FNDC7: variants seen among roughly 807,000 people sequenced by gnomAD.
FNDC7 encodes fibronectin type III domain containing 7.
A neutral mutation model predicts 74.2 loss-of-function variants in FNDC7; 66 were observed. The observed-to-expected ratio is 0.89, with a 90% CI of 0.73 to 1.09. The LOEUF (loss-of-function observed/expected upper bound fraction) is 1.09, where lower values mean the gene tolerates loss of function less well. Ranked by LOEUF, FNDC7 falls within the 50% of genes least tolerant of loss-of-function variation. FNDC7 has a pLI of 0.00. For missense variants in FNDC7, 829 were observed against 893.4 expected, an observed-to-expected ratio of 0.93 and a Z score of 0.92; for synonymous variants, 307 against 330.2, an observed-to-expected ratio of 0.93 and a Z score of 0.76.
intron 2 of FNDC7, 49 bp from the exon 3 acceptor site, chr1:108,717,728 C>T: frequency 6.5e-7 from 1 of 1,527,272 alleles, no homozygotes; most frequent in Non-Finnish European, 8.9e-7. Flanking sequence ...TGAAAGAAGT[C>T]ATCCTCGTAG....
At chr1:108,727,528 A>C (rs945212480) in intron 6 of FNDC7, among the ~76,000 whole-genome samples, 1 of 152,124 alleles carries the variant, frequency 6.6e-6, no homozygotes, top group East Asian at 1.9e-4. Context: ...ACAAGGGCGC[A>C]CGTGGCGTGG....
At chr1:108,721,999 T>C (rs1661102562) in intron 4 of FNDC7, among the ~76,000 whole-genome samples, 1 of 152,230 alleles carries the variant, frequency 6.6e-6, no homozygotes, top group Non-Finnish European at 1.5e-5. Context: ...TAACTACTTA[T>C]TAAATAATGC....
At position 108,717,888 on chromosome 1, in the gene FNDC7, G is replaced by C; in HGVS notation, c.194G>C (p.Gly65Ala). ...AGTTACCTCCTCACGGCTGAAGACG[G>C]GGACACAGTCATTGAAACCACGGTG... The part of the protein sequence containing the change: ...ATSYLLTAED[G>A]DTVIETTVAN... Residue 65 changes from glycine (G) to alanine (A), a missense_variant, in exon 3 of 13, where the codon GGG becomes GCG. By Grantham distance (60) the Gly-to-Ala change is moderately conservative. Coordinates refer to ENST00000370017, the MANE Select transcript of FNDC7 (RefSeq NM_001144937.3). The C allele has an allele frequency of 1.9e-6, 3 of 1,551,690 alleles. No individual in the cohort carries two copies. The highest frequency in any genetic ancestry group is 2.6e-6 in the Non-Finnish European group (3 of 1,146,988).
intron 6 of FNDC7, among the ~76,000 whole-genome samples, chr1:108,727,080 C>T (rs1025044522): frequency 6.6e-6 from 1 of 152,174 alleles, no homozygotes; most frequent in African/African-American, 2.4e-5. Context: ...AATCCCAACA[C>T]TTTGGGAAGC....
At chr1:108,735,388 A>G (rs368901996) in intron 10 of FNDC7, among the ~76,000 whole-genome samples, 171 of 152,286 alleles carry the variant, frequency 1.1e-3, no homozygotes, top group African/African-American at 3.9e-3. Context: ...TTATGCTGCC[A>G]CATCTTCAAA....
In FNDC7 at chr1:108,741,854, A is replaced by G; in HGVS notation, c.*37+13A>G. On this transcript the variant is annotated intron_variant, in intron 12 of 12. Coordinates refer to ENST00000370017, the MANE Select transcript of FNDC7 (RefSeq NM_001144937.3). ...AAAACTTGACCAAGTGAGTAACGTA[A>G]ATTGATTTTGTGTGATTTTATGGCA... The G allele has an allele frequency of 6.3e-7, 1 of 1,590,820 alleles. No homozygotes were observed. Among genetic ancestry groups the G allele is most frequent in the Non-Finnish European group, 8.6e-7 (1 of 1,163,302 alleles).
intron 6 of FNDC7, among the ~76,000 whole-genome samples, chr1:108,727,527 C>T (rs1661245047): frequency 6.6e-6 from 1 of 152,038 alleles, no homozygotes; most frequent in South Asian, 2.1e-4. Context: ...AACAAGGGCG[C>T]ACGTGGCGTG....
In FNDC7 at chr1:108,736,963, C is replaced by CTTTTTT. The variant is rs1173562405; in HGVS notation, c.2141-515_2141-510dup. Reference sequence around the variant, plus strand: ...ACAACAAACCTATCAGCTTGGCATTCTTTTTTTTTTTTTTTTTTTTTTGAG... The same window carrying CTTTTTT: ...ACAACAAACCTATCAGCTTGGCATTCTTTTTTTTTTTTTTTTTTTTTTTTTTTTGAG... On this transcript the variant is annotated intron_variant, in intron 10 of 12. Transcript: ENST00000370017. 8.3e-3 allele frequency among the ~76,000 whole-genome samples: 827 copies of CTTTTTT among 99,374 alleles called. 14 individuals are homozygous for CTTTTTT. Among genetic ancestry groups the CTTTTTT allele is most frequent in the Non-Finnish European group, 0.011 (598 of 52,472 alleles). The allele number at this position is 99,374 out of a possible 152,430, so 65.2% of individuals were successfully genotyped here. A position where few individuals can be genotyped will look rare whatever the true frequency, so the allele number is the denominator to read the frequency against.
In FNDC7 at chr1:108,730,775, C is replaced by T. The variant is rs1393820962; in HGVS notation, c.1726C>T (p.Leu576=). 6.2e-7 allele frequency: 1 copy of T among 1,614,044 alleles called. No homozygotes were observed. The highest frequency in any genetic ancestry group is 1.1e-5 in the South Asian group (1 of 91,062). The change falls in exon 9 of 13, where the codon CTG becomes TTG. Residue 576 remains leucine, a synonymous_variant. Coordinates refer to ENST00000370017, the MANE Select transcript of FNDC7 (RefSeq NM_001144937.3). ...AGTGGCTCAAACCCATGTTGCAGTT[C>T]TGGAGTCACACACTGGACAGTCTAA... is the stretch of plus-strand genomic sequence containing the variant. ...GRVAQTHVAV[L]ESHTGQSKCH...
intron 3 of FNDC7, among the ~76,000 whole-genome samples, chr1:108,718,426 T>C (rs1446569161): frequency 1.3e-5 from 2 of 152,212 alleles, no homozygotes; most frequent in Non-Finnish European, 2.9e-5. Context: ...ATTACTGAAA[T>C]TGATTTGATA....
rs771190246 is a variant in FNDC7, at chr1:108,725,879, A to G, written c.986A>G (p.His329Arg). ...AAGAGTGATGATGGCTTGGAAGTAC[A>G]CTGCAACACATCTCTCACTCAGTGC... ...FVKSDDGLEV[H>R]CNTSLTQCNF... Residue 329 changes from histidine to arginine, a missense_variant, in exon 6 of 13, where the codon CAC becomes CGC. His to Arg is a conservative substitution (Grantham distance 29). Transcript: ENST00000370017. 5 of 1,613,940 alleles carry G rather than the reference A, an allele frequency of 3.1e-6. No homozygotes were observed. Among genetic ancestry groups the G allele is most frequent in the East Asian group, 2.2e-5 (1 of 44,884 alleles).
chr1:108,736,753 C>T (rs1478549400), intron 10 of FNDC7, among the ~76,000 whole-genome samples: 1 of 152,274 alleles, frequency 6.6e-6, no homozygotes, highest in East Asian at 1.9e-4. Flanking sequence ...TCCTCCTTTG[C>T]TCAGTGTCCC....
At chr1:108,716,326 T>G (rs1243232855) in intron 2 of FNDC7, among the ~76,000 whole-genome samples, 5 of 64,430 alleles carry the variant, frequency 7.8e-5, no homozygotes, top group South Asian at 1.0e-3. Context: ...GAGAGGTGTG[T>G]GTGTGTGTGT....
intron 2 of FNDC7, among the ~76,000 whole-genome samples, chr1:108,716,583 A>G (rs1427695777): frequency 1.3e-5 from 2 of 152,158 alleles, no homozygotes; most frequent in Non-Finnish European, 2.9e-5. Context: ...GCCAGGGCAC[A>G]GAGGAGACTT....
intron 9 of FNDC7, among the ~76,000 whole-genome samples, 196 bp downstream of exon 9, chr1:108,731,124 G>A (rs1197454146): frequency 6.6e-6 from 1 of 152,152 alleles, no homozygotes; most frequent in Non-Finnish European, 1.5e-5. Context: ...TTGGTAGTTG[G>A]TGAATTAACT....
intron 11 of FNDC7, among the ~76,000 whole-genome samples, chr1:108,738,964 C>G (rs935861098): frequency 5.9e-5 from 9 of 152,094 alleles, no homozygotes; most frequent in African/African-American, 1.9e-4. Context: ...GTGAAAGGTA[C>G]ATGGACCTAG....
rs2101074512 is a variant in FNDC7, at chr1:108,713,499, T to C, written c.64-12T>C. Reference sequence around the variant, plus strand: ...TCTGTGTGGTTCTAATTTTCCAAACTTTCCTTTTCAGGTTGCTTCAGCAAA... The same window carrying C: ...TCTGTGTGGTTCTAATTTTCCAAACCTTCCTTTTCAGGTTGCTTCAGCAAA... On this transcript the variant is annotated splice_polypyrimidine_tract_variant and intron_variant, in intron 1 of 12. Transcript: ENST00000370017. 1.3e-6 allele frequency: 2 copies of C among 1,549,940 alleles called. No homozygotes were observed. The highest frequency in any genetic ancestry group is 2.4e-5 in the East Asian group (1 of 40,886).
intron 1 of FNDC7, 94 bp from the exon 2 acceptor site, chr1:108,713,417 T>C: frequency 9.6e-7 from 1 of 1,045,332 alleles, no homozygotes; most frequent in Non-Finnish European, 1.4e-6. Flanking sequence ...GTAAAAATGT[T>C]GTGATTAATT....
intron 6 of FNDC7, among the ~76,000 whole-genome samples, chr1:108,726,564 C>A (rs1056298428): frequency 2.0e-5 from 3 of 151,810 alleles, no homozygotes; most frequent in Non-Finnish European, 4.4e-5. Flanking sequence ...TGTGACAAAG[C>A]ATGATGCACA....
Sources: allele counts gnomAD v4.1 joint callset (sites outside exome capture counted in the v4.1 genomes callset), GRCh38; gene constraint gnomAD v4.1.1; transcripts MANE v1.5; gene names NCBI Gene and HGNC (gene_info 2026-07-23, HGNC 2026-07-21).